Variants in KSR1 observed in about 807,000 individuals in gnomAD.
KSR1 encodes the protein kinase suppressor of ras.
A neutral mutation model predicts 92.9 loss-of-function variants in KSR1; 35 were observed. The observed-to-expected ratio is 0.38, with a 90% CI of 0.29 to 0.50. KSR1 has a LOEUF of 0.50. Among genes scored for constraint, KSR1 ranks in the 20% least tolerant of loss-of-function variants. KSR1 has a pLI of 0.94. For synonymous variants in KSR1, 467 were observed against 472.6 expected, an observed-to-expected ratio of 0.99 and a Z score of 0.15; for missense variants, 972 against 1,158.5, an observed-to-expected ratio of 0.84 and a Z score of 2.34.
chr17:27,506,274 T>A (rs560209009), intron 1 of KSR1, among the ~76,000 whole-genome samples: 3 of 152,326 alleles, frequency 2.0e-5, no homozygotes, highest in Non-Finnish European at 4.4e-5. Flanking sequence ...CTTGCTTAAG[T>A]GAATTTTAGT....
At chr17:27,504,375 C>T (rs1021023144) in intron 1 of KSR1, among the ~76,000 whole-genome samples, 2 of 152,078 alleles carry the variant, frequency 1.3e-5, no homozygotes, top group Non-Finnish European at 2.9e-5. Flanking sequence ...CAGGGCCTCT[C>T]GCAGGCTGTG....
intron 1 of KSR1, among the ~76,000 whole-genome samples, chr17:27,532,065 G>T (rs533219523): frequency 1.1e-4 from 16 of 152,252 alleles, no homozygotes; most frequent in Admixed American, 4.6e-4. Context: ...GTCCCTCTCT[G>T]GGCCTCAGTT....
intron 6 of KSR1, among the ~76,000 whole-genome samples, chr17:27,589,631 C>T (rs1025589131): frequency 1.3e-5 from 2 of 152,134 alleles, no homozygotes; most frequent in African/African-American, 2.4e-5. Flanking sequence ...CTGTGATATA[C>T]GTTAAAAAAA....
chr17:27,600,531 CATT>C (rs979090280), intron 10 of KSR1, among the ~76,000 whole-genome samples: 4 of 152,264 alleles, frequency 2.6e-5, no homozygotes, highest in Admixed American at 2.6e-4. Context: ...TGTTTATTCT[CATT>C]ATCAAGTAAG....
chr17:27,597,139 A>G, intron 9 of KSR1, 129 bp from the exon 10 acceptor site: 2 of 1,034,178 alleles, frequency 1.9e-6, no homozygotes, highest in Admixed American at 2.3e-5. Flanking sequence ...TTAGATGTGT[A>G]AAATGTCAGA....
At chr17:27,555,513 TG>T (rs2071559033) in intron 2 of KSR1, among the ~76,000 whole-genome samples, 1 of 31,212 alleles carries the variant, frequency 3.2e-5, no homozygotes, top group Non-Finnish European at 8.5e-5. Flanking sequence ...TTGTTTGGCG[TG>T]TGTGTGTGTG....
rs2074330560 is a variant in KSR1, at chr17:27,625,929, A to C, written c.*2537A>C. The C allele has an allele frequency of 6.6e-6, 1 of 152,194 alleles. No individual in the cohort carries two copies. The highest frequency in any genetic ancestry group is 1.9e-4 in the East Asian group (1 of 5,200). The allele number at this position is 152,194 out of a possible 1,614,324, so 9.4% of individuals were successfully genotyped here. A position where few individuals can be genotyped will look rare whatever the true frequency, so the allele number is the denominator to read the frequency against. Reference sequence around the variant, plus strand: ...CCGCAGCCCCCTGGGTTTCTGTCTAACTCGAAGTCTTGAATCCTAGCTAGT... The same window carrying C: ...CCGCAGCCCCCTGGGTTTCTGTCTACCTCGAAGTCTTGAATCCTAGCTAGT... On this transcript the variant is annotated 3_prime_UTR_variant, in exon 21 of 21. Transcript: ENST00000644974.
At chr17:27,480,265 C>G (rs1435933949) in intron 1 of KSR1, among the ~76,000 whole-genome samples, 2 of 152,162 alleles carry the variant, frequency 1.3e-5, no homozygotes, top group African/African-American at 2.4e-5. Context: ...AATTGTGAAC[C>G]CTCCTGCCTC....
chr17:27,595,788 C>T (rs1008230515), intron 9 of KSR1, among the ~76,000 whole-genome samples: 2 of 151,884 alleles, frequency 1.3e-5, no homozygotes, highest in African/African-American at 4.8e-5. Flanking sequence ...GGCTCTTGCT[C>T]GGAGCTGTGA....
In KSR1 at chr17:27,623,754, G is replaced by A. The variant is rs2074285615; in HGVS notation, c.*362G>A. 2 of 553,654 alleles carry A rather than the reference G, an allele frequency of 3.6e-6. No homozygotes were observed. Among genetic ancestry groups the A allele is most frequent in the African/African-American group, 2.0e-5 (1 of 50,680 alleles). The allele number at this position is 553,654 out of a possible 1,614,324, so 34.3% of individuals were successfully genotyped here. A position where few individuals can be genotyped will look rare whatever the true frequency, so the allele number is the denominator to read the frequency against. ...GCCATCCCCTCTGAGGACCTTGTAG[G>A]CGGTGAGGGACCCATGCTGGGCCAG... On this transcript the variant is annotated 3_prime_UTR_variant, in exon 21 of 21. Coordinates refer to ENST00000644974, the MANE Select transcript of KSR1 (RefSeq NM_001394583.1).
chr17:27,583,684 C>G (rs546641969), intron 4 of KSR1, among the ~76,000 whole-genome samples: 21 of 152,374 alleles, frequency 1.4e-4, no homozygotes, highest in African/African-American at 4.8e-4. Flanking sequence ...GATACCATAC[C>G]ATCTACTCTG....
chr17:27,548,844 A>T (rs978001153), intron 1 of KSR1, among the ~76,000 whole-genome samples: 21 of 152,210 alleles, frequency 1.4e-4, no homozygotes, highest in African/African-American at 4.3e-4. Context: ...AAAAAGAAAA[A>T]TATAGTGAGA....
Position 27,592,747 on chromosome 17 carries a change from G to T in KSR1, c.1299+121G>T, listed in dbSNP as rs1233716595. 15 of 768,992 alleles carry T rather than the reference G, an allele frequency of 2.0e-5. No homozygotes were observed. In the Middle Eastern group the frequency reaches 1.1e-3, roughly 58 times the overall value. 47.6% of individuals were successfully genotyped at this position (768,992 alleles called of 1,614,324 possible). ...ATGACACCACCGTCTCAGATTTGTG[G>T]CCAGAGGGTGGCCTTGGGGATCATA... On this transcript the variant is annotated intron_variant, in intron 9 of 20. Coordinates refer to ENST00000644974, the MANE Select transcript of KSR1 (RefSeq NM_001394583.1).
intron 13 of KSR1, among the ~76,000 whole-genome samples, chr17:27,605,181 G>A (rs551864240): frequency 2.8e-4 from 42 of 152,358 alleles, no homozygotes; most frequent in African/African-American, 9.9e-4. Context: ...TCACAGGTAG[G>A]TATTGGAGTA....
intron 1 of KSR1, among the ~76,000 whole-genome samples, chr17:27,470,016 G>A (rs774868101): frequency 2.1e-4 from 24 of 115,002 alleles, no homozygotes; most frequent in Admixed American, 1.3e-3. Context: ...GTGTGTGTGT[G>A]TGTGTGTGTG....
chr17:27,611,412 G>T, intron 17 of KSR1, 82 bp from the exon 18 acceptor site: 1 of 1,578,924 alleles, frequency 6.3e-7, no homozygotes, highest in South Asian at 1.1e-5. Flanking sequence ...TGATCCTCTG[G>T]CTGGGCTATG....
chr17:27,614,929 G>A (rs1474645683), intron 18 of KSR1, among the ~76,000 whole-genome samples: 1 of 152,164 alleles, frequency 6.6e-6, no homozygotes, highest in African/African-American at 2.4e-5. Context: ...TTCTGTCATA[G>A]ACAAAAGCTG....
At chr17:27,500,188 C>T (rs190277159) in intron 1 of KSR1, among the ~76,000 whole-genome samples, 7 of 152,258 alleles carry the variant, frequency 4.6e-5, no homozygotes, top group South Asian at 2.1e-4. Context: ...AGGGAGGTTC[C>T]GTGCAATGCA....
intron 1 of KSR1, among the ~76,000 whole-genome samples, chr17:27,494,263 A>G (rs894507699): frequency 3.3e-5 from 5 of 151,852 alleles, no homozygotes; most frequent in Non-Finnish European, 5.9e-5. Flanking sequence ...GCGTAATTCT[A>G]TATGTGGAGT....
Sources: gnomAD v4.1 joint callset for allele counts (sites outside exome capture counted in the v4.1 genomes callset) on GRCh38, gnomAD v4.1.1 for gene constraint, MANE v1.5 for transcripts, NCBI Gene and HGNC (gene_info 2026-07-23, HGNC 2026-07-21) for gene names.